PPP2R5C: variants seen among roughly 807,000 people sequenced by gnomAD.
The protein encoded by PPP2R5C is serine/threonine-protein phosphatase 2A 56 kDa regulatory subunit gamma isoform.
PPP2R5C carries 7 observed loss-of-function variants against 68.9 expected under a neutral mutation model. The ratio of observed to expected loss-of-function variants is 0.10; its 90% confidence interval spans 0.06 to 0.19. The LOEUF (loss-of-function observed/expected upper bound fraction) is 0.19, where lower values mean the gene tolerates loss of function less well. PPP2R5C is among the 10% of genes least tolerant of loss of function. PPP2R5C has a pLI of 1.00. For synonymous variants in PPP2R5C, 210 were observed against 222.2 expected, an observed-to-expected ratio of 0.95 and a Z score of 0.49; for missense variants, 348 against 641.3, an observed-to-expected ratio of 0.54 and a Z score of 4.94.
At position 101,903,833 on chromosome 14, in the gene PPP2R5C, A is replaced by G. The variant is rs1283326623; in HGVS notation, c.1023+1944A>G. ...TGGGATTACAGGTGCGTGCCACCAC[A>G]CCCAGCTAATTTTTGTATTTTTAGT... On this transcript the variant is annotated intron_variant, in intron 9 of 13. Coordinates refer to ENST00000334743, the Ensembl canonical transcript of PPP2R5C. Among the ~76,000 whole-genome samples, 4 of 151,486 alleles carry G rather than the reference A, an allele frequency of 2.6e-5. No individual in the cohort carries two copies. In the East Asian group the frequency reaches 7.8e-4, roughly 29 times the overall value.
intron 3 of PPP2R5C, among the ~76,000 whole-genome samples, chr14:101,802,097 C>G (rs1362897840): frequency 2.0e-5 from 3 of 152,164 alleles, no homozygotes; most frequent in Admixed American, 6.5e-5. Flanking sequence ...GTTGGGAAAA[C>G]TGGGTACTCA....
chr14:101,908,515 A>C (rs2046192793), intron 10 of PPP2R5C, among the ~76,000 whole-genome samples: 1 of 152,108 alleles, frequency 6.6e-6, no homozygotes, highest in Non-Finnish European at 1.5e-5. Flanking sequence ...CTGGGACTAC[A>C]GACATGAGCC....
At chr14:101,842,183 A>G (rs1027085387) in intron 1 of PPP2R5C, among the ~76,000 whole-genome samples, 2 of 152,216 alleles carry the variant, frequency 1.3e-5, no homozygotes, top group Non-Finnish European at 2.9e-5. Context: ...TAGGTGACGT[A>G]TCTTCTCCAG....
intron 2 of PPP2R5C, among the ~76,000 whole-genome samples, chr14:101,860,591 T>A (rs2042687217): frequency 6.6e-6 from 1 of 152,182 alleles, no homozygotes; most frequent in South Asian, 2.1e-4. Context: ...ACTTTAACAT[T>A]TTGAAGAACT....
intron 3 of PPP2R5C, among the ~76,000 whole-genome samples, chr14:101,794,433 C>T (rs1232890000): frequency 3.9e-5 from 6 of 152,250 alleles, no homozygotes; most frequent in South Asian, 4.1e-4. Context: ...CAGTTCCATG[C>T]GATGTTGCCC....
At chr14:101,876,796 G>A (rs1429349533) in intron 2 of PPP2R5C, among the ~76,000 whole-genome samples, 3 of 152,122 alleles carry the variant, frequency 2.0e-5, no homozygotes, top group Non-Finnish European at 4.4e-5. Context: ...TTCATGTGGA[G>A]GTCAAACAGT....
chr14:101,808,616 C>G (rs1373058295), upstream of PPP2R5C, among the ~76,000 whole-genome samples: 1 of 152,184 alleles, frequency 6.6e-6, no homozygotes, highest in Non-Finnish European at 1.5e-5. Flanking sequence ...GCTGGAACTG[C>G]GAGCCCTAGC....
intron 5 of PPP2R5C, 174 bp from the exon 8 acceptor site, chr14:101,890,063 T>C (rs1178242725): frequency 4.3e-6 from 3 of 701,718 alleles, no homozygotes; most frequent in African/African-American, 3.5e-5. Context: ...CATTTACAGC[T>C]GCAGGCCTTG....
At chr14:101,871,237 G>T (rs200016297) in intron 2 of PPP2R5C, among the ~76,000 whole-genome samples, 1 of 96,130 alleles carries the variant, frequency 1.0e-5, no homozygotes, top group Non-Finnish European at 1.9e-5. Context: ...TTTTGTTGTT[G>T]TTGTTGTTGT....
intron 2 of PPP2R5C, among the ~76,000 whole-genome samples, chr14:101,778,743 T>G (rs2037540754): frequency 6.6e-6 from 1 of 152,166 alleles, no homozygotes; most frequent in Non-Finnish European, 1.5e-5. Flanking sequence ...TCATACTACC[T>G]TGAGCCAGAT....
At chr14:101,914,230 C>A in intron 12 of PPP2R5C, 1 of 455,704 alleles carries the variant, frequency 2.2e-6, no homozygotes, top group Non-Finnish European at 4.4e-6. Context: ...GGAGCTTAGC[C>A]CTGCCTTGTC....
At chr14:101,802,255 A>G (rs1025356866) in intron 3 of PPP2R5C, among the ~76,000 whole-genome samples, 1 of 152,172 alleles carries the variant, frequency 6.6e-6, no homozygotes, top group African/African-American at 2.4e-5. Context: ...TGTATTAAAA[A>G]TACAAAATTA....
intron 1 of PPP2R5C, chr14:101,843,834 T>C: frequency 4.8e-6 from 1 of 206,220 alleles, no homozygotes; most frequent in Non-Finnish European, 1.0e-5. Flanking sequence ...CACATCCTCC[T>C]GTCTCTGACT....
intron 1 of PPP2R5C, among the ~76,000 whole-genome samples, chr14:101,831,069 C>T (rs1007031092): frequency 1.3e-5 from 2 of 152,144 alleles, no homozygotes; most frequent in East Asian, 1.9e-4. Context: ...ATGACAACAT[C>T]GTGTGGCATG....
intron 9 of PPP2R5C, among the ~76,000 whole-genome samples, chr14:101,902,279 T>C (rs137974050): frequency 8.4e-4 from 128 of 152,308 alleles, no homozygotes; most frequent in African/African-American, 3.0e-3. Context: ...TTCCTGACAC[T>C]GTGTAAATCT....
chr14:101,909,466 T>G, intron 10 of PPP2R5C, 123 bp from the exon 13 acceptor site: 1 of 574,000 alleles, frequency 1.7e-6, no homozygotes, highest in Non-Finnish European at 3.2e-6. Context: ...AGGCCTTGCA[T>G]TTTAGACCTT....
At chr14:101,887,530 G>A (rs2044607842) in intron 5 of PPP2R5C, among the ~76,000 whole-genome samples, 1 of 152,238 alleles carries the variant, frequency 6.6e-6, no homozygotes, top group South Asian at 2.1e-4. Context: ...TCCGTGGCGT[G>A]TGCTGGGGCT....
chr14:101,798,708 G>A (rs141372155), intron 3 of PPP2R5C, among the ~76,000 whole-genome samples: 4 of 152,382 alleles, frequency 2.6e-5, no homozygotes, highest in South Asian at 2.1e-4. Context: ...CCATTGGGCT[G>A]TGGAAGGTAT....
chr14:101,919,984 A>AC (rs1396673111), intron 13 of PPP2R5C, among the ~76,000 whole-genome samples: 37 of 151,476 alleles, frequency 2.4e-4, no homozygotes, highest in Admixed American at 1.1e-3. Flanking sequence ...AAAAAAAAAA[A>AC]AAAAAAAACC....
Sources: gnomAD v4.1 joint callset for allele counts (sites outside exome capture counted in the v4.1 genomes callset) on GRCh38, gnomAD v4.1.1 for gene constraint, MANE v1.5 for transcripts, NCBI Gene and HGNC (gene_info 2026-07-23, HGNC 2026-07-21) for gene names.